Variants in GMDS observed in about 807,000 individuals in gnomAD.
GMDS encodes GDP-mannose 4,6-dehydratase.
GMDS carries 20 observed loss-of-function variants against 49.9 expected under a neutral mutation model. The ratio of observed to expected loss-of-function variants is 0.40; its 90% CI spans 0.28 to 0.58. The LOEUF is 0.58. Ranked by LOEUF, GMDS falls within the 20% of genes least tolerant of loss-of-function variation. The probability of loss-of-function intolerance (pLI) is 0.42; values close to 1 mark genes in which losing one functional copy is unlikely to be tolerated. For missense variants in GMDS, 362 were observed against 481.4 expected, an observed-to-expected ratio of 0.75 and a Z score of 2.32; for synonymous variants, 177 against 178.6, an observed-to-expected ratio of 0.99 and a Z score of 0.07.
At chr6:1,893,119 A>T (rs1027870621) in intron 7 of GMDS, among the ~76,000 whole-genome samples, 1 of 151,986 alleles carries the variant, frequency 6.6e-6, no homozygotes, top group East Asian at 1.9e-4. Context: ...GAGAGTGGAA[A>T]TGGGGGCCCA....
At chr6:1,858,713 C>T (rs141397238) in intron 7 of GMDS, among the ~76,000 whole-genome samples, 2 of 152,086 alleles carry the variant, frequency 1.3e-5, no homozygotes, top group Non-Finnish European at 2.9e-5. Flanking sequence ...AGATCATTCT[C>T]TCTGGCAAGT....
At chr6:2,136,906 CAAAAAA>C (rs3049649) in intron 1 of GMDS, among the ~76,000 whole-genome samples, 1 of 127,964 alleles carries the variant, frequency 7.8e-6, no homozygotes. Context: ...TCATTTCAAA[CAAAAAA>C]AAAAAAAAAA....
At chr6:1,875,468 G>A (rs912821385) in intron 7 of GMDS, among the ~76,000 whole-genome samples, 2 of 151,880 alleles carry the variant, frequency 1.3e-5, no homozygotes, top group African/African-American at 2.4e-5. Flanking sequence ...CTCCCCCGCC[G>A]ACACACAAAT....
At chr6:2,132,087 T>C (rs1396539986) in intron 1 of GMDS, among the ~76,000 whole-genome samples, 1 of 152,172 alleles carries the variant, frequency 6.6e-6, no homozygotes, top group African/African-American at 2.4e-5. Flanking sequence ...TTCATCTCGA[T>C]TTTACAGATG....
intron 1 of GMDS, among the ~76,000 whole-genome samples, chr6:2,240,815 T>A (rs1781582258): frequency 6.6e-6 from 1 of 152,236 alleles, no homozygotes; most frequent in Non-Finnish European, 1.5e-5. Context: ...AGGAAGATGG[T>A]AATTCAGTCT....
chr6:1,825,175 T>C (rs943676529), intron 7 of GMDS, among the ~76,000 whole-genome samples: 5 of 152,328 alleles, frequency 3.3e-5, no homozygotes, highest in South Asian at 2.1e-4. Context: ...AGTGGGTATT[T>C]ACATGTGCCA....
intron 7 of GMDS, among the ~76,000 whole-genome samples, chr6:1,746,990 G>A (rs1034175753): frequency 2.0e-5 from 3 of 152,040 alleles, no homozygotes; most frequent in Admixed American, 6.6e-5. Context: ...GTGAGCCACC[G>A]CTCCCAGCCT....
At chr6:1,796,092 C>T (rs185876159) in intron 7 of GMDS, among the ~76,000 whole-genome samples, 36 of 152,182 alleles carry the variant, frequency 2.4e-4, no homozygotes, top group Admixed American at 4.6e-4. Context: ...GTGTATGCTT[C>T]TCTATTCAAC....
intron 7 of GMDS, among the ~76,000 whole-genome samples, chr6:1,838,349 G>T (rs1190001158): frequency 1.3e-5 from 2 of 152,212 alleles, no homozygotes; most frequent in African/African-American, 4.8e-5. Flanking sequence ...TGTTTGCTAT[G>T]TAGTTCTCTC....
chr6:1,877,582 G>A lies in GMDS; in HGVS notation c.771+52521C>T, dbSNP rs927442955. Among the ~76,000 whole-genome samples the A allele has an allele frequency of 8.2e-5, 12 of 147,014 alleles. 1 individual carries two copies. In the South Asian group the frequency reaches 2.7e-3, roughly 33 times the overall value. On this transcript the variant is annotated intron_variant, in intron 7 of 10. Transcript: ENST00000380815. ...GAGCCCAGGAATTTGAGGCTGCAGTGAGCTATGACTGCACCACTGTATTCC... is the reference window on the plus strand; with the variant it reads ...GAGCCCAGGAATTTGAGGCTGCAGTAAGCTATGACTGCACCACTGTATTCC...
intron 9 of GMDS, among the ~76,000 whole-genome samples, chr6:1,713,975 A>C (rs752137366): frequency 3.3e-5 from 5 of 152,222 alleles, no homozygotes; most frequent in Admixed American, 2.0e-4. Flanking sequence ...GCAAAGAAGA[A>C]GACACTGTAC....
At chr6:2,216,052 T>G (rs1388005930) in intron 1 of GMDS, among the ~76,000 whole-genome samples, 2 of 152,164 alleles carry the variant, frequency 1.3e-5, no homozygotes, top group African/African-American at 4.8e-5. Context: ...AGAGGATGGG[T>G]ATGTGGGGGC....
At chr6:2,208,907 G>T (rs1026332081) in intron 1 of GMDS, among the ~76,000 whole-genome samples, 1 of 150,232 alleles carries the variant, frequency 6.7e-6, no homozygotes, top group South Asian at 2.1e-4. Flanking sequence ...AGTAGCACAG[G>T]TAACAACTAC....
At chr6:1,877,266 T>A (rs1338840792) in intron 7 of GMDS, among the ~76,000 whole-genome samples, 1 of 152,104 alleles carries the variant, frequency 6.6e-6, no homozygotes, top group Non-Finnish European at 1.5e-5. Flanking sequence ...AGGTACACCT[T>A]CTTCTGTCAA....
At chr6:1,781,771 T>C (rs920292029) in intron 7 of GMDS, among the ~76,000 whole-genome samples, 1 of 152,222 alleles carries the variant, frequency 6.6e-6, no homozygotes, top group African/African-American at 2.4e-5. Context: ...TATTCCAATA[T>C]TCTTAATGGT....
chr6:1,817,881 T>C (rs952120055), intron 7 of GMDS, among the ~76,000 whole-genome samples: 12 of 152,130 alleles, frequency 7.9e-5, no homozygotes, highest in Non-Finnish European at 1.5e-4. Context: ...TATAACAGAA[T>C]GATCAACTAT....
chr6:1,985,068 C>T (rs1008819919), intron 4 of GMDS, among the ~76,000 whole-genome samples: 1 of 152,112 alleles, frequency 6.6e-6, no homozygotes, highest in Admixed American at 6.5e-5. Context: ...GCAGAATTTT[C>T]CAGCCCATGA....
At chr6:2,219,197 T>A (rs139986643) in intron 1 of GMDS, among the ~76,000 whole-genome samples, 1 of 152,318 alleles carries the variant, frequency 6.6e-6, no homozygotes, top group African/African-American at 2.4e-5. Flanking sequence ...TGAATACCCA[T>A]TTGCATCTTT....
intron 7 of GMDS, among the ~76,000 whole-genome samples, chr6:1,865,588 C>T (rs1388998677): frequency 1.3e-5 from 2 of 152,010 alleles, no homozygotes; most frequent in Non-Finnish European, 2.9e-5. Flanking sequence ...GCTCACTTCC[C>T]TACCAAACAA....
Sources: allele counts gnomAD v4.1 joint callset (sites outside exome capture counted in the v4.1 genomes callset), GRCh38; gene constraint gnomAD v4.1.1; transcripts MANE v1.5; gene names NCBI Gene and HGNC (gene_info 2026-07-23, HGNC 2026-07-21).